PCDHA4: variants seen among roughly 807,000 people sequenced by gnomAD.
PCDHA4 encodes protocadherin alpha-4.
In PCDHA4, 49 loss-of-function variants were observed where a neutral mutation model predicts 61.4. The ratio of observed to expected loss-of-function variants is 0.80; its 90% CI spans 0.63 to 1.01. The LOEUF is 1.01. PCDHA4 is among the 50% of genes least tolerant of loss of function. PCDHA4 has a pLI of 0.00. For synonymous variants in PCDHA4, 590 were observed against 550.3 expected (o/e 1.07, Z -1.01); for missense variants, 1,254 against 1,235.8 (o/e 1.01, Z -0.22).
intron 1 of PCDHA4, chr5:140,849,848 C>G (rs1554143388): frequency 1.9e-6 from 3 of 1,598,430 alleles, no homozygotes; most frequent in African/African-American, 1.3e-5. Flanking sequence ...TGAACGACAA[C>G]GCACCAGCGT....
chr5:140,850,123 C>A (rs2150468826), intron 1 of PCDHA4: 9 of 1,595,920 alleles, frequency 5.6e-6, no homozygotes, highest in African/African-American at 2.7e-5. Context: ...GCGGGCGTGC[C>A]GCCTCTGGGC....
In PCDHA4 at chr5:140,809,064, T is replaced by C. The variant is rs543142225; in HGVS notation, c.1877T>C (p.Leu626Pro). 3 of 1,613,792 alleles carry C rather than the reference T, an allele frequency of 1.9e-6. No individual in the cohort carries two copies. The highest frequency in any genetic ancestry group is 2.2e-5 in the South Asian group (2 of 91,086). Residue 626 changes from leucine to proline, a missense_variant, in exon 1 of 4, where the codon CTG (leucine) becomes CCG (proline). Coordinates refer to ENST00000530339, the MANE Select transcript of PCDHA4 (RefSeq NM_018907.4). ...GCGCGCATCCCGTTCCGCGTGGGGC[T>C]GTACACTGGCGAGATCAGCACAACG... Reference protein sequence around the residue: ...GGARIPFRVGLYTGEISTTRA... With the variant: ...GGARIPFRVGPYTGEISTTRA...
At chr5:140,924,223 T>A (rs2081726593) in intron 1 of PCDHA4, among the ~76,000 whole-genome samples, 1 of 152,230 alleles carries the variant, frequency 6.6e-6, no homozygotes, top group South Asian at 2.1e-4. Context: ...ATAAGTTCAA[T>A]TTTTATGGGC....
At chr5:140,991,214 A>G (rs922136535) in intron 3 of PCDHA4, among the ~76,000 whole-genome samples, 4 of 152,202 alleles carry the variant, frequency 2.6e-5, no homozygotes, top group Non-Finnish European at 4.4e-5. Context: ...AATTTTGTTA[A>G]ATTCATTAAT....
At position 140,808,527 on chromosome 5, in the gene PCDHA4, A is replaced by T; in HGVS notation, c.1340A>T (p.Asp447Val). The change falls in exon 1 of 4, where the codon GAT becomes GTT. Residue 447 changes from aspartate (D) to valine (V), a missense_variant. Coordinates refer to ENST00000530339, the MANE Select transcript of PCDHA4 (RefSeq NM_018907.4). ...GCCAGTGTTTCTGTGGAGGTGGCTG[A>T]TGTGAACGACAACGCTCCGGCGTTC... Reference protein sequence around the residue: ...ATASVSVEVADVNDNAPAFAQ... With the variant: ...ATASVSVEVAVVNDNAPAFAQ... The T allele has an allele frequency of 1.9e-6, 3 of 1,614,152 alleles. No homozygotes were observed. The highest frequency in any genetic ancestry group is 2.2e-5 in the South Asian group (2 of 91,086).
At chr5:140,947,027 A>G (rs554018076) in intron 1 of PCDHA4, among the ~76,000 whole-genome samples, 2 of 151,820 alleles carry the variant, frequency 1.3e-5, no homozygotes, top group African/African-American at 2.4e-5. Context: ...GAGGTAATGG[A>G]TATACTAATT....
chr5:140,876,580 G>T, intron 1 of PCDHA4: 1 of 1,614,190 alleles, frequency 6.2e-7, no homozygotes, highest in African/African-American at 1.3e-5. Context: ...TACCGTCATT[G>T]CCCTGATTAG....
chr5:140,827,741 T>G (rs949123681), intron 1 of PCDHA4, among the ~76,000 whole-genome samples: 4 of 152,220 alleles, frequency 2.6e-5, no homozygotes, highest in African/African-American at 9.6e-5. Context: ...TGTGAATAAT[T>G]AGATCCCTTA....
chr5:140,970,227 A>T (rs186622858), intron 1 of PCDHA4, among the ~76,000 whole-genome samples: 190 of 152,300 alleles, frequency 1.2e-3, no homozygotes, highest in African/African-American at 4.2e-3. Flanking sequence ...GCAGCCTGTA[A>T]TCTTCTGATT....
rs1041810006 is a variant in PCDHA4, at chr5:140,826,282, C to T, written c.2385+16710C>T. Among the ~76,000 whole-genome samples the T allele has an allele frequency of 1.1e-4, 16 of 152,038 alleles. 2 individuals carry two copies. Among genetic ancestry groups the T allele is most frequent in the Admixed American group, 5.2e-4 (8 of 15,262 alleles). ...AAGTCTTTATGTATATTTTGTGCAGCTTGTCTTTTTTATAGGAACCTCTTG... is the reference window on the plus strand; with the variant it reads ...AAGTCTTTATGTATATTTTGTGCAGTTTGTCTTTTTTATAGGAACCTCTTG... On this transcript the variant is annotated intron_variant, in intron 1 of 3. Transcript: ENST00000530339.
Position 140,809,086 on chromosome 5 carries a change from A to T in PCDHA4, c.1899A>T (p.Thr633=). ...RVGLYTGEIS[T]TRALDETDAP... is the part of the protein sequence containing the mutation. ...GGCTGTACACTGGCGAGATCAGCAC[A>T]ACGCGTGCCCTGGACGAAACGGACG... Residue 633 remains threonine, a synonymous_variant, in exon 1 of 4, where the codon ACA becomes ACT. Transcript: ENST00000530339. 1.2e-6 allele frequency: 2 copies of T among 1,613,938 alleles called. No individual in the cohort carries two copies. Among genetic ancestry groups the T allele is most frequent in the Middle Eastern group, 1.6e-4 (1 of 6,062 alleles).
chr5:140,859,016 T>C (rs926930282), intron 1 of PCDHA4: 1 of 151,606 alleles, frequency 6.6e-6, no homozygotes, highest in African/African-American at 2.4e-5. Context: ...TCTTAGCAAT[T>C]AAGTTAAATG....
intron 3 of PCDHA4, among the ~76,000 whole-genome samples, chr5:140,996,703 C>G (rs2097740523): frequency 6.6e-6 from 1 of 152,132 alleles, no homozygotes; most frequent in African/African-American, 2.4e-5. Context: ...GAACCTCTAT[C>G]TCTTTGATTT....
At chr5:140,959,800 G>A (rs193288186) in intron 1 of PCDHA4, among the ~76,000 whole-genome samples, 1 of 152,080 alleles carries the variant, frequency 6.6e-6, no homozygotes, top group Admixed American at 6.5e-5. Context: ...CTAATTTAGA[G>A]GATTTATATT....
chr5:140,964,305 A>T (rs1163722863), intron 1 of PCDHA4, among the ~76,000 whole-genome samples: 1 of 152,246 alleles, frequency 6.6e-6, no homozygotes, highest in African/African-American at 2.4e-5. Flanking sequence ...AATACCTACA[A>T]GGCCTAAAAC....
At chr5:140,915,189 C>T (rs782151020) in intron 1 of PCDHA4, among the ~76,000 whole-genome samples, 21 of 152,010 alleles carry the variant, frequency 1.4e-4, no homozygotes, top group African/African-American at 4.1e-4. Context: ...CCTAGTGATC[C>T]GCCCATCTTG....
intron 1 of PCDHA4, chr5:140,968,847 A>G (rs781874732): frequency 8.7e-6 from 14 of 1,614,222 alleles, no homozygotes; most frequent in Middle Eastern, 1.6e-4. Context: ...ACTCAGAGGC[A>G]TGTTAAGAGC....
In PCDHA4 at chr5:140,857,751, C is replaced by T. The variant is rs2044861068; in HGVS notation, c.2385+48179C>T. The T allele has an allele frequency of 3.1e-6, 5 of 1,597,310 alleles. 1 individual carries two copies. Among genetic ancestry groups the T allele is most frequent in the East Asian group, 4.5e-5 (2 of 44,822 alleles). ...AACGCTCCCGCGCTGCTGGCGTCTCCCGCTGGCAGCGCGGGCGGTGCAGTC... is the reference window on the plus strand; with the variant it reads ...AACGCTCCCGCGCTGCTGGCGTCTCTCGCTGGCAGCGCGGGCGGTGCAGTC... On this transcript the variant is annotated intron_variant, in intron 1 of 3. Coordinates refer to ENST00000530339, the MANE Select transcript of PCDHA4 (RefSeq NM_018907.4).
At chr5:140,811,726 T>G (rs1214994996) in intron 1 of PCDHA4, 1 of 152,244 alleles carries the variant, frequency 6.6e-6, no homozygotes, top group Non-Finnish European at 1.5e-5. Flanking sequence ...ATTGTGGTTT[T>G]GATTTGCATT....
Sources: gnomAD v4.1 joint callset for allele counts (sites outside exome capture counted in the v4.1 genomes callset) on GRCh38, gnomAD v4.1.1 for gene constraint, MANE v1.5 for transcripts, NCBI Gene and HGNC (gene_info 2026-07-23, HGNC 2026-07-21) for gene names.